GSE1: variants seen among roughly 807,000 people sequenced by gnomAD.
GSE1 encodes the protein Gse1 coiled-coil protein.
A neutral mutation model predicts 112.6 loss-of-function variants in GSE1; 32 were observed. That is an observed-to-expected ratio of 0.28 (90% CI 0.21 to 0.38). The LOEUF (loss-of-function observed/expected upper bound fraction) is 0.38, where lower values mean the gene tolerates loss of function less well. Ranked by LOEUF, GSE1 falls within the 10% of genes least tolerant of loss-of-function variation. The pLI, the probability that GSE1 is intolerant of heterozygous loss-of-function variation, is 1.00. For synonymous variants in GSE1, 1,115 were observed against 735.6 expected (o/e 1.52, Z -8.35); for missense variants, 2,348 against 1,699.2 (o/e 1.38, Z -6.71).
intron 2 of GSE1, among the ~76,000 whole-genome samples, chr16:85,411,148 C>A (rs1293566833): frequency 1.7e-5 from 2 of 118,304 alleles, no homozygotes; most frequent in South Asian, 2.6e-4. Flanking sequence ...CTCAGGGCCC[C>A]CCTGGATAAT....
chr16:85,224,301 CAAAAAAAAAAAAAAA>C (rs55755242), intron 1 of GSE1, among the ~76,000 whole-genome samples: 1 of 38,814 alleles, frequency 2.6e-5, no homozygotes, highest in Non-Finnish European at 4.2e-5. Context: ...ACTAAAAATA[CAAAAAAAAAAAAAAA>C]AAAAAAAAAA....
Position 85,656,394 on chromosome 16 carries a change from C to CGAGCGCGAGCGCGAGCGCGAGCGT in GSE1, c.1046_1047insCGAGCGCGAGCGCGAGCGTGAGCG (p.Arg345_Glu352dup). On this transcript the variant is annotated inframe_insertion, in exon 7 of 16. Coordinates refer to ENST00000253458, the MANE Select transcript of GSE1 (RefSeq NM_014615.5). The stretch of plus-strand genomic sequence containing the variant: ...GGGAGAGGGAGCGCGAGCGCGAGCG[C>CGAGCGCGAGCGCGAGCGCGAGCGT]GAGCGTGAGCGTGAGGCTGACCGCG... The CGAGCGCGAGCGCGAGCGCGAGCGT allele has an allele frequency of 6.5e-7, 1 of 1,532,438 alleles. No homozygotes were observed. Among genetic ancestry groups the CGAGCGCGAGCGCGAGCGCGAGCGT allele is most frequent in the Non-Finnish European group, 8.9e-7 (1 of 1,126,344 alleles). The allele number at this position is 1,532,438 out of a possible 1,614,324, so 94.9% of individuals were successfully genotyped here. A position where few individuals can be genotyped will look rare whatever the true frequency, so the allele number is the denominator to read the frequency against.
At chr16:85,437,566 G>A (rs1046302374) in intron 2 of GSE1, among the ~76,000 whole-genome samples, 1 of 152,110 alleles carries the variant, frequency 6.6e-6, no homozygotes, top group Non-Finnish European at 1.5e-5. Flanking sequence ...GGAGAAGGAC[G>A]AGGAGGGGCA....
intron 1 of GSE1, among the ~76,000 whole-genome samples, chr16:85,613,877 G>A (rs1174517110): frequency 1.4e-5 from 2 of 146,330 alleles, no homozygotes; most frequent in African/African-American, 5.1e-5. Context: ...GGGGGTGCTC[G>A]CTACTGGGGC....
At chr16:85,292,256 A>G (rs181879115) in intron 1 of GSE1, among the ~76,000 whole-genome samples, 2 of 150,498 alleles carry the variant, frequency 1.3e-5, no homozygotes, top group African/African-American at 2.4e-5. Flanking sequence ...CTCATACCTC[A>G]GCCTCTCTAG....
intron 1 of GSE1, among the ~76,000 whole-genome samples, chr16:85,581,329 G>T (rs1179294381): frequency 6.6e-6 from 1 of 152,202 alleles, no homozygotes; most frequent in East Asian, 1.9e-4. Context: ...GAAGCAGGGG[G>T]ATGGGACCTT....
chr16:85,230,290 A>G lies in GSE1; in HGVS notation c.2283+58483A>G, dbSNP rs1053642044. ...GCTGCTCCAACCGGCAGGCAAGGAC[A>G]GGGCTTATTTATCTTTTGTGTGTCC... On this transcript the variant is annotated intron_variant, in intron 1 of 2. Transcript: ENST00000637419. 6.6e-5 allele frequency among the ~76,000 whole-genome samples: 10 copies of G among 152,214 alleles called. No homozygotes were observed. The East Asian group carries it at 1.7e-3, about 26-fold the overall frequency.
rs150498207 is a variant in GSE1, at chr16:85,513,286, T to A, written c.2465-120628T>A. On this transcript the variant is annotated intron_variant, in intron 2 of 2. Transcript: ENST00000637419. ...GGCTCAGAGATGGCAGCTGGGAGCA[T>A]GAACCCGGACTCTAGCCTATCTGGT... 3.9e-3 allele frequency among the ~76,000 whole-genome samples: 587 copies of A among 152,184 alleles called. 2 individuals carry two copies. The highest frequency in any genetic ancestry group is 3.4e-3 in the Non-Finnish European group (233 of 67,982).
intron 2 of GSE1, among the ~76,000 whole-genome samples, chr16:85,423,541 T>C (rs1567474770): frequency 6.6e-6 from 1 of 151,488 alleles, no homozygotes; most frequent in Non-Finnish European, 1.5e-5. Flanking sequence ...GGGGGGCCGC[T>C]GAGCCCCTGG....
intron 1 of GSE1, among the ~76,000 whole-genome samples, chr16:85,220,225 C>T (rs557597042): frequency 3.0e-4 from 46 of 152,342 alleles, no homozygotes; most frequent in African/African-American, 9.9e-4. Context: ...CTTCCTGGTC[C>T]GCTTTCCAGT....
intron 1 of GSE1, among the ~76,000 whole-genome samples, chr16:85,628,755 A>T (rs1489149599): frequency 2.6e-5 from 4 of 152,150 alleles, no homozygotes; most frequent in Non-Finnish European, 5.9e-5. Flanking sequence ...GAGAGAGAAA[A>T]AGGATGAAAG....
chr16:85,325,131 G>A (rs773847432), intron 1 of GSE1, among the ~76,000 whole-genome samples: 4 of 152,032 alleles, frequency 2.6e-5, no homozygotes, highest in Non-Finnish European at 5.9e-5. Flanking sequence ...ACCACACCTG[G>A]CTACTTTTTA....
chr16:85,277,447 C>A (rs912609424), intron 1 of GSE1, among the ~76,000 whole-genome samples: 1 of 152,104 alleles, frequency 6.6e-6, no homozygotes, highest in African/African-American at 2.4e-5. Flanking sequence ...GTCCCTTGGG[C>A]GGCTGGTGGG....
At chr16:85,465,788 A>C (rs998846514) in intron 2 of GSE1, among the ~76,000 whole-genome samples, 1 of 151,944 alleles carries the variant, frequency 6.6e-6, no homozygotes, top group Non-Finnish European at 1.5e-5. Context: ...GATCCTTTAC[A>C]CTCTGATCTC....
rs146957472 is a variant in GSE1, at chr16:85,197,842, C to G, written c.2283+26035C>G. 7.5e-3 allele frequency among the ~76,000 whole-genome samples: 1,142 copies of G among 152,282 alleles called. 5 individuals carry two copies. The highest frequency in any genetic ancestry group is 0.013 in the Non-Finnish European group (863 of 68,012). On this transcript the variant is annotated intron_variant, in intron 1 of 2. Coordinates refer to the GSE1 transcript ENST00000637419. ...GGCCTGGAGCAGAGAGAGGGTTTGT[C>G]CGGGTAGCACCGCCAGCCCAGGGTC...
At chr16:85,489,512 C>A (rs1035449061) in intron 2 of GSE1, among the ~76,000 whole-genome samples, 23 of 152,088 alleles carry the variant, frequency 1.5e-4, no homozygotes, top group Admixed American at 4.6e-4. Context: ...ACTGTGCAGC[C>A]ATCGGACCCA....
chr16:85,520,334 G>A (rs984396740), intron 2 of GSE1, among the ~76,000 whole-genome samples: 1 of 151,528 alleles, frequency 6.6e-6, no homozygotes, highest in African/African-American at 2.4e-5. Flanking sequence ...TTTCAACACA[G>A]GAATTGGAGG....
rs150789769 is a variant in GSE1, at chr16:85,171,925, C to T, written c.2283+118C>T. The T allele has an allele frequency of 4.7e-3, 2,278 of 484,534 alleles. 44 individuals are homozygous for T. Among genetic ancestry groups the T allele is most frequent in the African/African-American group, 0.038 (1,818 of 47,976 alleles). 30.0% of individuals were successfully genotyped at this position (484,534 alleles called of 1,614,324 possible). A position where few individuals can be genotyped will look rare whatever the true frequency, so the allele number is the denominator to read the frequency against. ...AGGAGGAGTTTTCACTGGTTCTGTG[C>T]GGGGTGTTCCGGGGGAGGTACCCTC... On this transcript the variant is annotated intron_variant, in intron 1 of 2. Transcript: ENST00000637419.
chr16:85,607,109 A>G (rs1157564000), upstream of GSE1, among the ~76,000 whole-genome samples: 1 of 150,566 alleles, frequency 6.6e-6, no homozygotes, highest in East Asian at 2.0e-4. Context: ...TGCAGGAGGG[A>G]GGAGAGCCAT....
Sources: gnomAD v4.1 joint callset for allele counts (sites outside exome capture counted in the v4.1 genomes callset) on GRCh38, gnomAD v4.1.1 for gene constraint, MANE v1.5 for transcripts, NCBI Gene and HGNC (gene_info 2026-07-23, HGNC 2026-07-21) for gene names.